The following MAX variants were observed in gnomAD, a reference collection of about 807,000 sequenced individuals.
MAX encodes protein max.
In MAX, 3 loss-of-function variants were observed where a neutral mutation model predicts 22.3. The observed-to-expected ratio is 0.13, with a 90% CI of 0.06 to 0.35. The LOEUF (loss-of-function observed/expected upper bound fraction) is 0.35. Among genes scored for constraint, MAX ranks in the 10% least tolerant of loss-of-function variants. The pLI is 1.00. For synonymous variants in MAX, 72 were observed against 77.7 expected (o/e 0.93, Z 0.39); for missense variants, 119 against 209.4 (o/e 0.57, Z 2.66).
chr14:65,093,331 A>C lies in MAX; in HGVS notation c.171+377T>G, dbSNP rs903478443. On this transcript the variant is annotated intron_variant, in intron 3 of 4. Transcript: ENST00000358664. This position sits in a 1 kb window ranked among gnomAD's most constrained non-coding sequence, Gnocchi z 4.4. ...TAAAGTATTAACTTTGAACCATAGG[A>C]AAGGAATTCTCATGGAGGTCTAGGG... 1.3e-5 allele frequency among the ~76,000 whole-genome samples: 2 copies of C among 152,218 alleles called. No individual in the cohort carries two copies. Among genetic ancestry groups the C allele is most frequent in the Non-Finnish European group, 2.9e-5 (2 of 68,042 alleles).
intron 3 of MAX, among the ~76,000 whole-genome samples, chr14:65,019,962 C>T (rs1442222436): frequency 6.6e-6 from 1 of 152,120 alleles, no homozygotes; most frequent in African/African-American, 2.4e-5. Context: ...GAAATGCGTT[C>T]AGTTTTCTTT....
chr14:65,036,277 C>T (rs1223415318), intron 3 of MAX, among the ~76,000 whole-genome samples: 1 of 152,108 alleles, frequency 6.6e-6, no homozygotes, highest in African/African-American at 2.4e-5. Context: ...CACTTCGTCA[C>T]CCAGGCTGGA....
In MAX at chr14:65,023,039, G is replaced by T. The variant is rs2061917049; in HGVS notation, c.172-16755C>A. ...TGCCTTTGAATCCTTCATCCAAACT[G>T]ATGACGGTGTTTAGAATCAACATTG... On this transcript the variant is annotated intron_variant, in intron 3 of 3. Coordinates refer to the MAX transcript ENST00000341653. This position sits in a 1 kb window ranked among gnomAD's most constrained non-coding sequence, Gnocchi z 4.1. 6.6e-6 allele frequency among the ~76,000 whole-genome samples: 1 copy of T among 152,128 alleles called. No homozygotes were observed.
In MAX at chr14:65,067,256, G is replaced by T. The variant is rs78394344; in HGVS notation, c.171+26452C>A. ...TTGAGATTGACAGAAAAATTGCAAA[G>T]ATAGTACACAGAGTTCCCACAGACC... is the stretch of plus-strand genomic sequence containing the variant. On this transcript the variant is annotated intron_variant, in intron 3 of 3. Coordinates refer to the MAX transcript ENST00000341653. Among the ~76,000 whole-genome samples the T allele has an allele frequency of 3.9e-3, 591 of 151,478 alleles. 10 individuals carry two copies. In the East Asian group the frequency reaches 0.04, roughly 10 times the overall value.
chr14:65,027,684 T>G lies in MAX; in HGVS notation c.172-21400A>C. 1 of 1,614,194 alleles carries G rather than the reference T, an allele frequency of 6.2e-7. No homozygotes were observed. Among genetic ancestry groups the G allele is most frequent in the Non-Finnish European group, 8.5e-7 (1 of 1,180,016 alleles). On this transcript the variant is annotated intron_variant, in intron 3 of 3. Transcript: ENST00000341653. The surrounding 1 kb of genome is among the most constrained non-coding windows in gnomAD (Gnocchi z 5.7). ...CTGACTGTTGCCTCTCCTACCTCTT[T>G]CCCTGTTTCTCAGAGAGAAGCTTCT...
In MAX at chr14:65,077,772, A is replaced by C. The variant is rs1415248732; in HGVS notation, c.295+141T>G. 6.2e-6 allele frequency: 10 copies of C among 1,613,282 alleles called. No homozygotes were observed. Among genetic ancestry groups the C allele is most frequent in the African/African-American group, 1.3e-5 (1 of 74,900 alleles). On this transcript the variant is annotated intron_variant, in intron 4 of 4. Coordinates refer to ENST00000358664, the MANE Select transcript of MAX (RefSeq NM_002382.5). The surrounding 1 kb of genome is among the most constrained non-coding windows in gnomAD (Gnocchi z 6.3). ...CTCAGGACGGCTCTAACACTCAGTT[A>C]CTCAGGCCCCAAGAAGCAGGACCAA...
At chr14:65,053,210 C>T (rs2062652302) in intron 3 of MAX, 1 of 1,347,962 alleles carries the variant, frequency 7.4e-7, no homozygotes, top group Admixed American at 3.0e-5. Flanking sequence ...ATCTGCCGGG[C>T]CCTTACTGAC....
Position 65,078,162 on chromosome 14 carries a change from G to T in MAX, c.172-126C>A, listed in dbSNP as rs555511516. The T allele has an allele frequency of 2.1e-6, 2 of 954,338 alleles. No homozygotes were observed. The highest frequency in any genetic ancestry group is 3.9e-5 in the Admixed American group (2 of 51,648). The allele number at this position is 954,338 out of a possible 1,614,324, so 59.1% of individuals were successfully genotyped here. On this transcript the variant is annotated intron_variant, in intron 3 of 4. Transcript: ENST00000358664. The surrounding 1 kb of genome is among the most constrained non-coding windows in gnomAD (Gnocchi z 6.4). Reference sequence around the variant, plus strand: ...GAGGGTAAGGTGGGAAAAGGCTGAAGAAATACAATAATGGCTACTGTAGGC... The same window carrying T: ...GAGGGTAAGGTGGGAAAAGGCTGAATAAATACAATAATGGCTACTGTAGGC...
At chr14:65,067,480 T>A (rs889914635) in intron 3 of MAX, among the ~76,000 whole-genome samples, 4 of 152,210 alleles carry the variant, frequency 2.6e-5, no homozygotes, top group Admixed American at 6.5e-5. Context: ...CATGTCTCCT[T>A]AGACTCCTCT....
Position 65,093,689 on chromosome 14 carries a change from G to A in MAX, c.171+19C>T, listed in dbSNP as rs778677580. The A allele has an allele frequency of 2.9e-6, 4 of 1,389,264 alleles. No individual in the cohort carries two copies. The highest frequency in any genetic ancestry group is 4.6e-5 in the East Asian group (2 of 43,888). 86.1% of individuals were successfully genotyped at this position (1,389,264 alleles called of 1,614,324 possible). On this transcript the variant is annotated intron_variant, in intron 3 of 4. Transcript: ENST00000358664. This position sits in a 1 kb window ranked among gnomAD's most constrained non-coding sequence, Gnocchi z 4.4. Reference sequence around the variant, plus strand: ...CAAGCTAGTAGTGGCCAGCTACTCAGCTTTCTCAGGAAACTCACCTTCTCT... The same window carrying A: ...CAAGCTAGTAGTGGCCAGCTACTCAACTTTCTCAGGAAACTCACCTTCTCT...
In MAX at chr14:65,014,535, C is replaced by T. The variant is rs1192270867; in HGVS notation, c.172-8251G>A. 6.6e-6 allele frequency among the ~76,000 whole-genome samples: 1 copy of T among 152,160 alleles called. No individual in the cohort carries two copies. The highest frequency in any genetic ancestry group is 1.5e-5 in the Non-Finnish European group (1 of 68,030). ...AGCATCTCAAGAACAGAAACCAGTT[C>T]AGGCATGGTGGCTAATGCCTGTAAT... On this transcript the variant is annotated intron_variant, in intron 3 of 3. Coordinates refer to the MAX transcript ENST00000341653. This position sits in a 1 kb window ranked among gnomAD's most constrained non-coding sequence, Gnocchi z 5.1.
chr14:65,013,722 ATT>A (rs1164299388), intron 3 of MAX, among the ~76,000 whole-genome samples: 1 of 152,076 alleles, frequency 6.6e-6, no homozygotes, highest in East Asian at 1.9e-4. Flanking sequence ...TAATTTTTGT[ATT>A]TTTAGTAGAG....
chr14:65,081,388 C>T (rs2063195507), intron 3 of MAX, among the ~76,000 whole-genome samples: 1 of 152,202 alleles, frequency 6.6e-6, no homozygotes, highest in African/African-American at 2.4e-5. Context: ...GACTCACCTG[C>T]AATCCTCCCC....
chr14:65,070,182 T>TGCA (rs2062970800), downstream of MAX, among the ~76,000 whole-genome samples: 1 of 152,228 alleles, frequency 6.6e-6, no homozygotes, highest in African/African-American at 2.4e-5. The surrounding 1 kb of genome is among the most constrained non-coding windows in gnomAD (Gnocchi z 4.4). Context: ...CCTGGGTTCC[T>TGCA]GCAGAAGTAG....
chr14:65,015,210 C>A (rs991645741), intron 3 of MAX, among the ~76,000 whole-genome samples: 2 of 151,244 alleles, frequency 1.3e-5, no homozygotes, highest in Non-Finnish European at 2.9e-5. Context: ...TCAAGTGATT[C>A]TCCTGCTTCG....
rs2063050366 is a variant in MAX at position 65,076,161 on chromosome 14, G to A, written c.*315C>T. On this transcript the variant is annotated 3_prime_UTR_variant, in exon 5 of 5. Transcript: ENST00000358664. This position sits in a 1 kb window ranked among gnomAD's most constrained non-coding sequence, Gnocchi z 6.6. Reference sequence around the variant, plus strand: ...GCTGGTAGGGTGGGCAGGACACTATGTGCTCAGAGGTCCGGCCGGCCGTCT... The same window carrying A: ...GCTGGTAGGGTGGGCAGGACACTATATGCTCAGAGGTCCGGCCGGCCGTCT... The A allele has an allele frequency of 1.5e-6, 2 of 1,364,518 alleles. No individual in the cohort carries two copies. Among genetic ancestry groups the A allele is most frequent in the Non-Finnish European group, 9.4e-7 (1 of 1,058,852 alleles). The allele number at this position is 1,364,518 out of a possible 1,614,324, so 84.5% of individuals were successfully genotyped here.
intron 3 of MAX, among the ~76,000 whole-genome samples, chr14:65,068,327 C>G (rs905769034): frequency 1.3e-5 from 2 of 152,106 alleles, no homozygotes; most frequent in Non-Finnish European, 2.9e-5. Context: ...CTCAGCTACT[C>G]GAGAAGCTGA....
intron 3 of MAX, chr14:65,022,262 C>T (rs1471539560): frequency 6.2e-6 from 2 of 324,886 alleles, no homozygotes; most frequent in African/African-American, 4.4e-5. Context: ...TTCCTATTTC[C>T]AAAGCTGTAA....
At position 65,023,079 on chromosome 14, in the gene MAX, A is replaced by AC. The variant is rs908833982; in HGVS notation, c.172-16796dup. Among the ~76,000 whole-genome samples the AC allele has an allele frequency of 8.5e-5, 13 of 152,328 alleles. No homozygotes were observed. The highest frequency in any genetic ancestry group is 3.1e-4 in the African/African-American group (13 of 41,568). On this transcript the variant is annotated intron_variant, in intron 3 of 3. Transcript: ENST00000341653. The surrounding 1 kb of genome is among the most constrained non-coding windows in gnomAD (Gnocchi z 4.1). ...AATCAACATTGATTAATTGATTGAGACAGGGTCTCACTCTATTGTCTGGGC... is the reference window on the plus strand; with the variant it reads ...AATCAACATTGATTAATTGATTGAGACCAGGGTCTCACTCTATTGTCTGGGC...
Sources: gnomAD v4.1 joint callset for allele counts (sites outside exome capture counted in the v4.1 genomes callset) on GRCh38, gnomAD v4.1.1 for gene constraint, Gnocchi (gnomAD v3.1) non-coding constraint, MANE v1.5 for transcripts, NCBI Gene and HGNC (gene_info 2026-07-23, HGNC 2026-07-21) for gene names.